The following DEDD variants were observed in gnomAD, a reference collection of about 807,000 sequenced individuals.
DEDD encodes death effector domain containing, also known as death effector domain-containing protein.
Under a neutral mutation model 29.2 loss-of-function variants are expected in DEDD, and 3 were observed. The observed-to-expected ratio is 0.10, with a 90% CI of 0.05 to 0.27. The LOEUF is 0.27. DEDD is among the 10% of genes least tolerant of loss of function. DEDD has a pLI of 1.00. For synonymous variants in DEDD, 152 were observed against 161.3 expected (o/e 0.94, Z 0.44); for missense variants, 261 against 420.5 (o/e 0.62, Z 3.32).
intron 4 of DEDD, among the ~76,000 whole-genome samples, 197 bp downstream of exon 4, chr1:161,123,635 CAAAAAAA>C (rs35678373): frequency 9.0e-5 from 8 of 88,948 alleles, no homozygotes; most frequent in African/African-American, 3.7e-4. Context: ...GACTCTGTCT[CAAAAAAA>C]AAAAAAAAAA....
chr1:161,124,230 T>C lies in DEDD; in HGVS notation c.233A>G (p.Asp78Gly), dbSNP rs767158548. Residue 78 changes from aspartate (D) to glycine (G), a missense_variant, in exon 3 of 6, where the codon GAT becomes GGT. Physicochemically the swap from Asp to Gly is moderately conservative, Grantham distance 94. This residue lies in a region of DEDD where 203 missense variants were observed against 268.7 expected (regional missense o/e 0.76). Transcript: ENST00000368006. The part of the protein sequence containing the change: ...LLALERQGRC[D>G]ESNFRQVLQL... ...CAGCACCTGGCGAAAGTTACTTTCA[T>C]CACAGCGGCCCTGGCGCTCCAGTGC... 6.2e-7 allele frequency: 1 copy of C among 1,614,244 alleles called. No homozygotes were observed. Among genetic ancestry groups the C allele is most frequent in the South Asian group, 1.1e-5 (1 of 91,086 alleles).
At chr1:161,123,375 C>G (rs1028418212) in intron 4 of DEDD, among the ~76,000 whole-genome samples, 154 bp from the exon 5 acceptor site, 1 of 152,188 alleles carries the variant, frequency 6.6e-6, no homozygotes, top group African/African-American at 2.4e-5. Flanking sequence ...TGCAGTGGCT[C>G]ACGCCTGTAA....
At position 161,123,615 on chromosome 1, in the gene DEDD, G is replaced by A. The variant is rs1310818359; in HGVS notation, c.433+224C>T. Among the ~76,000 whole-genome samples the A allele has an allele frequency of 2.8e-5, 4 of 143,958 alleles. No homozygotes were observed. In the East Asian group the frequency reaches 8.2e-4, roughly 29 times the overall value. The allele number at this position is 143,958 out of a possible 152,430, so 94.4% of individuals were successfully genotyped here. On this transcript the variant is annotated intron_variant, in intron 4 of 5. Coordinates refer to ENST00000368006, the MANE Select transcript of DEDD (RefSeq NM_032998.3). ...TGCGCCACTGCACTCCAGCCTGGGC[G>A]ACAGAGGGAGACTCTGTCTCAAAAA...
chr1:161,123,905 T>C lies in DEDD; in HGVS notation c.367A>G (p.Ile123Val), dbSNP rs767805103. ...LVDKYLEETS[I>V]RYVTPRALSD... ...AGGGCTCTGGGGGTCACATAGCGAA[T>C]TGATGTCTCCTCCAGATACTTGTCT... The change falls in exon 4 of 6, where the codon ATT becomes GTT. Residue 123 changes from isoleucine (I) to valine (V), a missense_variant. Around this residue, in one of 2 missense-constraint regions of DEDD, gnomAD observed 203 missense variants for 268.7 expected, o/e 0.76. Transcript: ENST00000368006. 34 of 1,613,972 alleles carry C rather than the reference T, an allele frequency of 2.1e-5. No homozygotes were observed. Among genetic ancestry groups the C allele is most frequent in the Middle Eastern group, 3.3e-4 (2 of 6,080 alleles).
At chr1:161,126,751 T>C (rs538210503) in intron 2 of DEDD, among the ~76,000 whole-genome samples, 22 of 152,278 alleles carry the variant, frequency 1.4e-4, no homozygotes, top group African/African-American at 5.1e-4. Flanking sequence ...TATCAGTTTG[T>C]TTATAGTTCA....
Position 161,121,235 on chromosome 1 carries a change from C to T in DEDD, c.*912G>A, listed in dbSNP as rs1000893680. On this transcript the variant is annotated 3_prime_UTR_variant, in exon 6 of 6. Transcript: ENST00000368006. Reference sequence around the variant, plus strand: ...CCATTCTCCCAAGCATGGGAGTGGGCGTAGGAGTGGAGGAGGGGGAAGGAA... The same window carrying T: ...CCATTCTCCCAAGCATGGGAGTGGGTGTAGGAGTGGAGGAGGGGGAAGGAA... The T allele has an allele frequency of 2.8e-5, 27 of 955,792 alleles. No individual in the cohort carries two copies. The highest frequency in any genetic ancestry group is 4.5e-5 in the South Asian group (1 of 22,034). 59.2% of individuals were successfully genotyped at this position (955,792 alleles called of 1,614,324 possible).
chr1:161,131,704 C>T (rs1186186644), intron 1 of DEDD, among the ~76,000 whole-genome samples: 2 of 152,162 alleles, frequency 1.3e-5, no homozygotes, highest in African/African-American at 2.4e-5. Context: ...GTTGAATTCT[C>T]ATCCAACCCC....
At position 161,121,217 on chromosome 1, in the gene DEDD, C is replaced by T; in HGVS notation, c.*930G>A. On this transcript the variant is annotated 3_prime_UTR_variant, in exon 6 of 6. Coordinates refer to ENST00000368006, the MANE Select transcript of DEDD (RefSeq NM_032998.3). ...TCAGTGCATGTCCCAGCCCCATTCT[C>T]CCAAGCATGGGAGTGGGCGTAGGAG... 3 of 992,522 alleles carry T rather than the reference C, an allele frequency of 3.0e-6. No individual in the cohort carries two copies. Among genetic ancestry groups the T allele is most frequent in the Non-Finnish European group, 3.6e-6 (3 of 831,450 alleles). 61.5% of individuals were successfully genotyped at this position (992,522 alleles called of 1,614,324 possible). A position where few individuals can be genotyped will look rare whatever the true frequency, so the allele number is the denominator to read the frequency against.
intron 4 of DEDD, 132 bp downstream of exon 4, chr1:161,123,707 A>ATTT: frequency 2.1e-5 from 13 of 632,692 alleles, no homozygotes; most frequent in Middle Eastern, 4.9e-4. Context: ...ACCTCGCCTG[A>ATTT]TTTTTTTTTT....
chr1:161,125,811 C>T (rs1163579531), intron 2 of DEDD, among the ~76,000 whole-genome samples: 1 of 152,136 alleles, frequency 6.6e-6, no homozygotes, highest in East Asian at 1.9e-4. Flanking sequence ...CTTGGCAATA[C>T]CACCTTCTAA....
chr1:161,126,959 T>C (rs1656243438), intron 2 of DEDD, among the ~76,000 whole-genome samples: 1 of 152,226 alleles, frequency 6.6e-6, no homozygotes, highest in African/African-American at 2.4e-5. Flanking sequence ...AGTCCTCTTC[T>C]GTGCGCTTAT....
At chr1:161,127,670 C>T (rs959964066) in intron 2 of DEDD, among the ~76,000 whole-genome samples, 2 of 152,202 alleles carry the variant, frequency 1.3e-5, no homozygotes, top group Non-Finnish European at 2.9e-5. Context: ...GACTGGTATT[C>T]CTTGCCTCTT....
At chr1:161,126,286 T>G (rs1656161214) in intron 2 of DEDD, among the ~76,000 whole-genome samples, 1 of 152,002 alleles carries the variant, frequency 6.6e-6, no homozygotes, top group Non-Finnish European at 1.5e-5. Context: ...ACCAAGTCAC[T>G]TTCCTGCTTC....
In DEDD at chr1:161,132,559, C is replaced by G; in HGVS notation, c.-106G>C. On this transcript the variant is annotated 5_prime_UTR_variant, in exon 1 of 6. An upstream open reading frame in the 5' UTR loses its in-frame stop. Transcript: ENST00000368006. ...CCGCCCCTCCGCCTCACTCTCGGCT[C>G]AGGCTCGGCGCCGCCATGTTGGATC... The G allele has an allele frequency of 6.5e-6, 1 of 154,616 alleles. No individual in the cohort carries two copies. The highest frequency in any genetic ancestry group is 1.9e-4 in the East Asian group (1 of 5,260). 9.6% of individuals were successfully genotyped at this position (154,616 alleles called of 1,614,324 possible).
chr1:161,124,291 G>T lies in DEDD; in HGVS notation c.172C>A (p.Arg58Ser). The T allele has an allele frequency of 6.2e-7, 1 of 1,614,208 alleles. No individual in the cohort carries two copies. The highest frequency in any genetic ancestry group is 2.2e-5 in the East Asian group (1 of 44,888). Reference sequence around the variant, plus strand: ...TCACGTCCATTTCGGATGAGTCCACGCTCGTGGTCATCAATGACATCAACA... The same window carrying T: ...TCACGTCCATTTCGGATGAGTCCACTCTCGTGGTCATCAATGACATCAACA... ...LFVDVIDDHE[R>S]GLIRNGRDFL... is the part of the protein sequence containing the mutation. The change falls in exon 3 of 6, where the codon CGT (arginine) becomes AGT (serine). Residue 58 changes from arginine (R) to serine (S), a missense_variant. This residue lies in a region of DEDD where 203 missense variants were observed against 268.7 expected (regional missense o/e 0.76). Coordinates refer to ENST00000368006, the MANE Select transcript of DEDD (RefSeq NM_032998.3).
rs1264576681 is a variant in DEDD, at chr1:161,122,688, T to C, written c.581-165A>G. Among the ~76,000 whole-genome samples, 1 of 152,236 alleles carries C rather than the reference T, an allele frequency of 6.6e-6. No homozygotes were observed. Among genetic ancestry groups the C allele is most frequent in the South Asian group, 2.1e-4 (1 of 4,834 alleles). On this transcript the variant is annotated intron_variant, in intron 5 of 5. Transcript: ENST00000368006. This position sits in a 1 kb window ranked among gnomAD's most constrained non-coding sequence, Gnocchi z 4.2. ...CTATTTCTATGTATCTCTGAAATCC[T>C]TGCCTGAATGCAGGAGGTTCCCTTA...
intron 2 of DEDD, among the ~76,000 whole-genome samples, chr1:161,127,464 G>A (rs1276689119): frequency 6.6e-6 from 1 of 152,188 alleles, no homozygotes; most frequent in Non-Finnish European, 1.5e-5. Flanking sequence ...GTAGGAACTG[G>A]TCCTTTCTTC....
Position 161,121,892 on chromosome 1 carries a change from C to T in DEDD, c.*255G>A, listed in dbSNP as rs1428155762. 9 of 450,518 alleles carry T rather than the reference C, an allele frequency of 2.0e-5. No individual in the cohort carries two copies. Among genetic ancestry groups the T allele is most frequent in the East Asian group, 7.3e-5 (2 of 27,286 alleles). The allele number at this position is 450,518 out of a possible 1,614,324, so 27.9% of individuals were successfully genotyped here. ...TGCTTCTTCCTATACATTTGTCTTA[C>T]GGCTCAGTGGTAAGGTAGCTGTAGA... On this transcript the variant is annotated 3_prime_UTR_variant, in exon 6 of 6. Transcript: ENST00000368006.
chr1:161,132,177 ACCCT>A (rs1360683050), intron 1 of DEDD: 1 of 143,404 alleles, frequency 7.0e-6, no homozygotes, highest in Non-Finnish European at 1.5e-5. Flanking sequence ...TCCCCTTCAC[ACCCT>A]CAGCCTCTCC....
Sources: allele counts gnomAD v4.1 joint callset (sites outside exome capture counted in the v4.1 genomes callset), GRCh38; gene constraint gnomAD v4.1.1; regional missense constraint gnomAD v4.1.1; non-coding constraint Gnocchi (gnomAD v3.1); transcripts MANE v1.5; gene names NCBI Gene and HGNC (gene_info 2026-07-23, HGNC 2026-07-21).